The following PHKA1 variants were observed in gnomAD, a reference collection of about 807,000 sequenced individuals.
PHKA1 encodes phosphorylase b kinase regulatory subunit alpha, skeletal muscle isoform.
Under a neutral mutation model 110.2 loss-of-function variants are expected in PHKA1, and 60 were observed. The observed-to-expected ratio is 0.54, with a 90% CI of 0.44 to 0.68. The LOEUF is 0.68. PHKA1 is among the 30% of genes least tolerant of loss of function. The probability of loss-of-function intolerance (pLI) is 0.00; values close to 1 mark genes in which losing one functional copy is unlikely to be tolerated. For missense variants in PHKA1, 801 were observed against 942.5 expected, an observed-to-expected ratio of 0.85 and a Z score of 1.97; for synonymous variants, 316 against 333.6, an observed-to-expected ratio of 0.95 and a Z score of 0.58.
chrX:72,663,701 G>C (rs1448961432), intron 8 of PHKA1, among the ~76,000 whole-genome samples: 1 of 105,223 alleles, frequency 9.5e-6, no homozygotes, highest in African/African-American at 3.5e-5. Context: ...AATCTCACAG[G>C]CTGGAAGAGA....
At chrX:72,646,629 G>T (rs1014177441) in intron 13 of PHKA1, among the ~76,000 whole-genome samples, 1 of 111,602 alleles carries the variant, frequency 9.0e-6, no homozygotes, top group Non-Finnish European at 1.9e-5. Context: ...TAGCATAAAG[G>T]GGCAGTGATA....
At position 72,616,409 on chromosome X, in the gene PHKA1, G is replaced by A. The variant is rs782295552; in HGVS notation, c.2369+2301C>T. Among the ~76,000 whole-genome samples the A allele has an allele frequency of 3.6e-5, 4 of 111,552 alleles. No individual in the cohort carries two copies. The East Asian group carries it at 8.5e-4, about 24-fold the overall frequency. ...TAAAACACTAAAAAGTGATATAGAA[G>A]GTCACCATATAATGATAAGGGGGAT... On this transcript the variant is annotated intron_variant, in intron 21 of 31. Transcript: ENST00000373542.
intron 29 of PHKA1, among the ~76,000 whole-genome samples, chrX:72,592,546 T>C (rs868924546): frequency 8.9e-6 from 1 of 112,514 alleles, no homozygotes; most frequent in African/African-American, 3.2e-5. Context: ...GAAAAATAAA[T>C]ATTGGTCACA....
chrX:72,620,931 G>T (rs782229942), intron 18 of PHKA1, 30 bp from the exon 19 acceptor site: 107 of 1,188,175 alleles, frequency 9.0e-5, no homozygotes, highest in Non-Finnish European at 1.1e-4. Flanking sequence ...AGGGGGAAGA[G>T]AAAAGAATGA....
At chrX:72,675,708 A>T (rs896055660) in intron 6 of PHKA1, among the ~76,000 whole-genome samples, 1 of 110,888 alleles carries the variant, frequency 9.0e-6, no homozygotes, top group Non-Finnish European at 1.9e-5. Flanking sequence ...AAGAGGATAG[A>T]GGATTGAAAG....
At chrX:72,614,916 G>T (rs2052868738) in intron 21 of PHKA1, among the ~76,000 whole-genome samples, 1 of 108,982 alleles carries the variant, frequency 9.2e-6, no homozygotes, top group Admixed American at 9.8e-5. Flanking sequence ...ATGTTCAATA[G>T]GAAGATATAT....
intron 14 of PHKA1, among the ~76,000 whole-genome samples, chrX:72,638,373 CAAA>C (rs781972512): frequency 1.6e-4 from 6 of 38,041 alleles, no homozygotes; most frequent in Non-Finnish European, 2.1e-4. Flanking sequence ...GAGCTTCTCT[CAAA>C]AAAAAAAAAA....
chrX:72,584,557 G>A (rs2147642897), intron 29 of PHKA1, among the ~76,000 whole-genome samples: 1 of 111,281 alleles, frequency 9.0e-6, no homozygotes, highest in Non-Finnish European at 1.9e-5. Flanking sequence ...GAATGAGTAG[G>A]AAAGCTCTAT....
At position 72,613,603 on chromosome X, in the gene PHKA1, T is replaced by A. The variant is rs183714790; in HGVS notation, c.2370-2419A>T. Among the ~76,000 whole-genome samples the A allele has an allele frequency of 3.3e-3, 370 of 111,965 alleles. 1 individual carries two copies. Among genetic ancestry groups the A allele is most frequent in the African/African-American group, 0.012 (357 of 30,878 alleles). ...GGAAGAGTCATTAATGGATGAAAAA[T>A]ATCAGTGAGCAAAAGTTTGAAGAGT... On this transcript the variant is annotated intron_variant, in intron 21 of 31. Coordinates refer to ENST00000373542, the MANE Select transcript of PHKA1 (RefSeq NM_002637.4).
intron 4 of PHKA1, among the ~76,000 whole-genome samples, chrX:72,688,627 T>G (rs1315403408): frequency 8.9e-6 from 1 of 112,484 alleles, no homozygotes; most frequent in Non-Finnish European, 1.9e-5. Context: ...TGCTATGTCC[T>G]CTGTGATGCT....
At position 72,622,592 on chromosome X, in the gene PHKA1, T is replaced by C. The variant is rs942556283; in HGVS notation, c.1960+517A>G. On this transcript the variant is annotated intron_variant, in intron 18 of 31. Transcript: ENST00000373542. Reference sequence around the variant, plus strand: ...GTATTGCTAGAAGCCAATTAGAGTTTGACTTAGTTGTATTTGCCTAGTTTG... The same window carrying C: ...GTATTGCTAGAAGCCAATTAGAGTTCGACTTAGTTGTATTTGCCTAGTTTG... The C allele has an allele frequency of 1.2e-5, 9 of 752,276 alleles. No individual in the cohort carries two copies. The African/African-American group carries it at 1.9e-4, about 15-fold the overall frequency. 62.0% of individuals were successfully genotyped at this position (752,276 alleles called of 1,213,427 possible).
rs2052324002 is a variant in PHKA1 at position 72,580,750 on chromosome X, A to T, written c.*252T>A. Reference sequence around the variant, plus strand: ...ATGAATGATGAAAGAAATAAAGCCAATCATGACAGGCCTGGCTGAGTGTTC... The same window carrying T: ...ATGAATGATGAAAGAAATAAAGCCATTCATGACAGGCCTGGCTGAGTGTTC... On this transcript the variant is annotated 3_prime_UTR_variant, in exon 32 of 32. Transcript: ENST00000373542. 2.4e-6 allele frequency: 1 copy of T among 418,359 alleles called. No individual in the cohort carries two copies. The highest frequency in any genetic ancestry group is 4.2e-6 in the Non-Finnish European group (1 of 240,235). The allele number at this position is 418,359 out of a possible 1,213,427, so 34.5% of individuals were successfully genotyped here.
intron 6 of PHKA1, among the ~76,000 whole-genome samples, chrX:72,670,978 C>G (rs2053687156): frequency 1.8e-5 from 2 of 111,840 alleles, no homozygotes; most frequent in South Asian, 7.6e-4. Context: ...CAGCCAGTAT[C>G]ATACTGAATG....
At chrX:72,617,397 G>A (rs1291867102) in intron 21 of PHKA1, among the ~76,000 whole-genome samples, 1 of 111,223 alleles carries the variant, frequency 9.0e-6, no homozygotes, top group Non-Finnish European at 1.9e-5. Context: ...GCACGCACCT[G>A]TGGTACCAGC....
intron 2 of PHKA1, chrX:72,709,327 T>C (rs1451053275): frequency 9.2e-6 from 1 of 108,730 alleles, no homozygotes; most frequent in Non-Finnish European, 1.9e-5. Context: ...AGACTGTATC[T>C]ATATACCTTA....
rs781952141 is a variant in PHKA1 at position 72,611,158 on chromosome X, T to C, written c.2396A>G (p.Tyr799Cys). The change falls in exon 22 of 32, where the codon TAT (tyrosine) becomes TGT (cysteine). Residue 799 changes from tyrosine (Y) to cysteine (C), a missense_variant. Around this residue, in one of 2 missense-constraint regions of PHKA1, gnomAD observed 502 missense variants for 519.2 expected, o/e 0.97. Coordinates refer to ENST00000373542, the MANE Select transcript of PHKA1 (RefSeq NM_002637.4). ...TCTCACTGTAGCACTCCGTTCATTA[T>C]ACAATTCAGTGTTCCAGTCAGGTCC... ...MKGPDWNTEL[Y>C]NERSATVREL... 1 of 1,204,556 alleles carries C rather than the reference T, an allele frequency of 8.3e-7. No individual in the cohort carries two copies. Among genetic ancestry groups the C allele is most frequent in the Non-Finnish European group, 1.1e-6 (1 of 890,644 alleles).
At chrX:72,615,117 T>C (rs998644412) in intron 21 of PHKA1, among the ~76,000 whole-genome samples, 6 of 110,746 alleles carry the variant, frequency 5.4e-5, no homozygotes, top group African/African-American at 2.0e-4. Context: ...GATAGTGAGA[T>C]GAGGTATTCA....
At position 72,584,231 on chromosome X, in the gene PHKA1, C is replaced by G; in HGVS notation, c.3297+18G>C. On this transcript the variant is annotated intron_variant, in intron 30 of 31. Coordinates refer to ENST00000373542, the MANE Select transcript of PHKA1 (RefSeq NM_002637.4). ...CAAAGTTATCAGTCACATAAATGTGCAAGAAAGAGACTCTTACCTCTCTAG... is the reference window on the plus strand; with the variant it reads ...CAAAGTTATCAGTCACATAAATGTGGAAGAAAGAGACTCTTACCTCTCTAG... The G allele has an allele frequency of 2.5e-6, 3 of 1,177,644 alleles. No homozygotes were observed. Among genetic ancestry groups the G allele is most frequent in the Non-Finnish European group, 3.5e-6 (3 of 864,851 alleles).
At chrX:72,671,854 T>C (rs1163758731) in intron 6 of PHKA1, among the ~76,000 whole-genome samples, 1 of 111,566 alleles carries the variant, frequency 9.0e-6, no homozygotes, top group African/African-American at 3.3e-5. Flanking sequence ...CCCTATTTAA[T>C]AAATGGTGCT....
Sources: allele counts gnomAD v4.1 joint callset (sites outside exome capture counted in the v4.1 genomes callset), GRCh38; gene constraint gnomAD v4.1.1; regional missense constraint gnomAD v4.1.1; transcripts MANE v1.5; gene names NCBI Gene and HGNC (gene_info 2026-07-23, HGNC 2026-07-21).